The following INPP4B variants were observed in gnomAD, a reference collection of about 807,000 sequenced individuals.
The protein encoded by INPP4B is inositol polyphosphate-4-phosphatase type II B.
A neutral mutation model predicts 122.5 loss-of-function variants in INPP4B; 55 were observed. That is an observed-to-expected ratio of 0.45 (90% CI 0.36 to 0.56). INPP4B has a LOEUF of 0.56. INPP4B is among the 20% of genes least tolerant of loss of function. The pLI, the probability that INPP4B is intolerant of heterozygous loss-of-function variation, is 0.00. For missense variants in INPP4B, 1,000 were observed against 1,097.7 expected (o/e 0.91, Z 1.26); for synonymous variants, 403 against 388.7 (o/e 1.04, Z -0.43).
intron 15 of INPP4B, among the ~76,000 whole-genome samples, chr4:142,181,766 T>A (rs1030340699): frequency 2.0e-5 from 3 of 152,126 alleles, no homozygotes; most frequent in African/African-American, 7.2e-5. Flanking sequence ...GTTCCTTAAG[T>A]GTATTTGAGA....
rs114142851 is a variant in INPP4B at position 142,309,314 on chromosome 4, T to C, written c.424-3777A>G. The stretch of plus-strand genomic sequence containing the variant: ...AAAAATATATCTTTAAAAATAAATA[T>C]GAGATTTGGGGGAAATATAACTTAG... On this transcript the variant is annotated intron_variant, in intron 8 of 25. Transcript: ENST00000262992. Among the ~76,000 whole-genome samples the C allele has an allele frequency of 6.9e-3, 1,040 of 151,678 alleles. 17 individuals carry two copies. The highest frequency in any genetic ancestry group is 0.024 in the African/African-American group (998 of 41,342).
At chr4:142,385,155 T>C (rs1795536380) in intron 7 of INPP4B, among the ~76,000 whole-genome samples, 1 of 152,186 alleles carries the variant, frequency 6.6e-6, no homozygotes, top group African/African-American at 2.4e-5. Context: ...CAAATGGTAT[T>C]TCTGTCTTTA....
chr4:142,457,047 GA>G (rs1270852653), intron 3 of INPP4B, among the ~76,000 whole-genome samples: 1 of 151,786 alleles, frequency 6.6e-6, no homozygotes. Flanking sequence ...ACAATGGATA[GA>G]AAAAATAATT....
intron 15 of INPP4B, among the ~76,000 whole-genome samples, chr4:142,184,775 T>C (rs535863559): frequency 3.8e-4 from 58 of 152,206 alleles, no homozygotes; most frequent in African/African-American, 1.2e-3. Flanking sequence ...AGATCTGTGG[T>C]GGTGAGAAAG....
Position 142,723,194 on chromosome 4 carries a change from C to T in INPP4B, c.-191+2645G>A, listed in dbSNP as rs75733863. On this transcript the variant is annotated intron_variant, in intron 2 of 25. Coordinates refer to ENST00000262992, the MANE Select transcript of INPP4B (RefSeq NM_001101669.3). ...GCCTAAATATAGTAAACCTACAGTA[C>T]ATAAAAGAATTGCTGAATTCTTAAT... Among the ~76,000 whole-genome samples, 298 of 152,140 alleles carry T rather than the reference C, an allele frequency of 2.0e-3. 1 individual carries two copies. Among genetic ancestry groups the T allele is most frequent in the Non-Finnish European group, 3.3e-3 (222 of 67,936 alleles).
At chr4:142,508,947 A>G (rs1235022490) in intron 2 of INPP4B, among the ~76,000 whole-genome samples, 1 of 152,186 alleles carries the variant, frequency 6.6e-6, no homozygotes, top group Non-Finnish European at 1.5e-5. Flanking sequence ...GGCTATAAAT[A>G]ATTAGACTCC....
chr4:142,169,032 T>C (rs1052431205), intron 16 of INPP4B, among the ~76,000 whole-genome samples: 1 of 151,666 alleles, frequency 6.6e-6, no homozygotes, highest in African/African-American at 2.4e-5. Context: ...TCTTGTTGTT[T>C]AAGGTGGGAG....
intron 2 of INPP4B, among the ~76,000 whole-genome samples, chr4:142,486,770 T>A (rs1821250005): frequency 6.6e-6 from 1 of 152,234 alleles, no homozygotes; most frequent in Non-Finnish European, 1.5e-5. Context: ...ATAATTTATC[T>A]AGTGAGAATA....
At chr4:142,401,106 GTT>G (rs1801449041) in intron 7 of INPP4B, among the ~76,000 whole-genome samples, 1 of 152,006 alleles carries the variant, frequency 6.6e-6, no homozygotes, top group South Asian at 2.1e-4. Flanking sequence ...AAATCCTATA[GTT>G]TCTCCTCTGC....
intron 12 of INPP4B, among the ~76,000 whole-genome samples, chr4:142,224,268 A>G (rs552950354): frequency 7.2e-4 from 110 of 152,324 alleles, no homozygotes; most frequent in Admixed American, 3.7e-3. Flanking sequence ...CTGGGTCACT[A>G]TGTAATATAA....
chr4:142,747,354 T>C (rs920062410), intron 1 of INPP4B, among the ~76,000 whole-genome samples: 1 of 152,000 alleles, frequency 6.6e-6, no homozygotes, highest in Non-Finnish European at 1.5e-5. Context: ...TGGCGATCAT[T>C]AAAAAGTCAG....
intron 10 of INPP4B, among the ~76,000 whole-genome samples, chr4:142,269,861 T>A (rs904533288): frequency 6.6e-5 from 10 of 152,182 alleles, no homozygotes; most frequent in South Asian, 4.1e-4. Context: ...AATAATTTTT[T>A]AAAATGCTCA....
At chr4:142,060,865 A>C (rs1760272149) in intron 25 of INPP4B, among the ~76,000 whole-genome samples, 1 of 152,180 alleles carries the variant, frequency 6.6e-6, no homozygotes, top group Non-Finnish European at 1.5e-5. Context: ...ACAGGCAGAC[A>C]TTTGCCTTAT....
chr4:142,192,489 G>A (rs760669556), intron 15 of INPP4B, among the ~76,000 whole-genome samples: 13 of 151,920 alleles, frequency 8.6e-5, no homozygotes, highest in Non-Finnish European at 1.9e-4. Context: ...GATAAGACAT[G>A]GGGGAGAATA....
At chr4:142,370,349 C>T (rs1289212836) in intron 7 of INPP4B, among the ~76,000 whole-genome samples, 3 of 152,130 alleles carry the variant, frequency 2.0e-5, no homozygotes, top group Non-Finnish European at 2.9e-5. Flanking sequence ...CCTAAAACTA[C>T]TTTAGATTTT....
intron 2 of INPP4B, among the ~76,000 whole-genome samples, chr4:142,677,308 A>C (rs1757956394): frequency 2.0e-5 from 3 of 152,172 alleles, no homozygotes; most frequent in Admixed American, 2.0e-4. Context: ...ATCCCATTGT[A>C]GTTAGAATGG....
chr4:142,766,675 C>A (rs930913874), intron 1 of INPP4B: 2 of 151,842 alleles, frequency 1.3e-5, no homozygotes, highest in African/African-American at 2.4e-5. Flanking sequence ...TTATGCCCAG[C>A]CATAAAGTAT....
In INPP4B at chr4:142,431,088, T is replaced by G. The variant is rs899196677; in HGVS notation, c.91+81A>C. On this transcript the variant is annotated intron_variant, in intron 4 of 25. Transcript: ENST00000262992. Reference sequence around the variant, plus strand: ...ACCGAAGTTCCTATGAATCTATGAATGCATGTATGTATGTGTAAGTTTCAT... The same window carrying G: ...ACCGAAGTTCCTATGAATCTATGAAGGCATGTATGTATGTGTAAGTTTCAT... The G allele has an allele frequency of 6.4e-6, 6 of 944,488 alleles. No individual in the cohort carries two copies. In the African/African-American group the frequency reaches 9.9e-5, roughly 16 times the overall value. The allele number at this position is 944,488 out of a possible 1,614,324, so 58.5% of individuals were successfully genotyped here.
At chr4:142,532,564 C>T (rs1287489007) in intron 2 of INPP4B, among the ~76,000 whole-genome samples, 1 of 152,116 alleles carries the variant, frequency 6.6e-6, no homozygotes, top group Non-Finnish European at 1.5e-5. Context: ...GTAATGGCTG[C>T]CTCCCTCACT....
Sources: gnomAD v4.1 joint callset for allele counts (sites outside exome capture counted in the v4.1 genomes callset) on GRCh38, gnomAD v4.1.1 for gene constraint, MANE v1.5 for transcripts, NCBI Gene and HGNC (gene_info 2026-07-23, HGNC 2026-07-21) for gene names.